PWP1: variants seen among roughly 807,000 people sequenced by gnomAD.
The protein encoded by PWP1 is periodic tryptophan protein 1 homolog.
In PWP1, 47 loss-of-function variants were observed where a neutral mutation model predicts 69.9. That is an observed-to-expected ratio of 0.67 (90% CI 0.53 to 0.86). PWP1 has a LOEUF of 0.86. Among genes scored for constraint, PWP1 ranks in the 40% least tolerant of loss-of-function variants. The probability of loss-of-function intolerance (pLI) is 0.00; values close to 1 mark genes in which losing one functional copy is unlikely to be tolerated. For synonymous variants in PWP1, 222 were observed against 208.2 expected (o/e 1.07, Z -0.57); for missense variants, 551 against 608.8 (o/e 0.91, Z 1.00).
chr12:107,691,252 A>G (rs576087453), intron 3 of PWP1, among the ~76,000 whole-genome samples: 9 of 152,322 alleles, frequency 5.9e-5, no homozygotes, highest in South Asian at 2.1e-4. Context: ...AGGAGGGGAA[A>G]TGCTCGGCAA....
At chr12:107,709,060 G>A (rs1889887802) in intron 12 of PWP1, 44 bp downstream of exon 12, 2 of 1,613,366 alleles carry the variant, frequency 1.2e-6, no homozygotes, top group African/African-American at 1.3e-5. Context: ...AACTTATGAT[G>A]AAGTAAATCT....
intron 11 of PWP1, among the ~76,000 whole-genome samples, chr12:107,708,534 T>A (rs1242914504): frequency 6.6e-6 from 1 of 152,220 alleles, no homozygotes; most frequent in African/African-American, 2.4e-5. Flanking sequence ...TGACTGTTGG[T>A]CACGCCTTGG....
At position 107,710,502 on chromosome 12, in the gene PWP1, T is replaced by G; in HGVS notation, c.1388T>G (p.Val463Gly). The change falls in exon 14 of 15, where the codon GTC becomes GGC. Residue 463 changes from valine (V) to glycine (G), a missense_variant. By Grantham distance (109) the Val-to-Gly change is moderately radical. Coordinates refer to ENST00000412830, the MANE Select transcript of PWP1 (RefSeq NM_007062.3). ...CTTCGGGTCTGGGATATAAGCACAG[T>G]CTCTTCAGGTAAGGATTTTTAGTTC... ...EGLRVWDIST[V>G]SSVNEAFGRR... 1 of 1,607,498 alleles carries G rather than the reference T, an allele frequency of 6.2e-7. No homozygotes were observed. Among genetic ancestry groups the G allele is most frequent in the Admixed American group, 1.7e-5 (1 of 59,228 alleles).
Position 107,710,369 on chromosome 12 carries a change from G to A in PWP1, c.1291-36G>A, listed in dbSNP as rs754066376. ...GATCTAGATATTAGCGCTTTCTGAA[G>A]AGATTGAAATCACCATCTTCCTGTT... On this transcript the variant is annotated intron_variant, in intron 13 of 14. Transcript: ENST00000412830. 3.1e-6 allele frequency: 5 copies of A among 1,608,994 alleles called. No homozygotes were observed. In the African/African-American group the frequency reaches 6.7e-5, roughly 22 times the overall value.
At chr12:107,708,121 G>C (rs1889864653) in intron 11 of PWP1, among the ~76,000 whole-genome samples, 1 of 152,124 alleles carries the variant, frequency 6.6e-6, no homozygotes, top group South Asian at 2.1e-4. Context: ...ATGTTGTGTT[G>C]TACTTCGGCT....
chr12:107,698,369 A>G (rs1889634625), intron 7 of PWP1, among the ~76,000 whole-genome samples: 1 of 151,790 alleles, frequency 6.6e-6, no homozygotes, highest in South Asian at 2.1e-4. Context: ...GGGAAAAAAA[A>G]GAACTGCTAG....
chr12:107,692,881 C>T lies in PWP1; in HGVS notation c.387C>T (p.Tyr129=), dbSNP rs760806378. The change falls in exon 4 of 15, where the codon TAC becomes TAT. Residue 129 remains tyrosine (Y), a synonymous_variant. Coordinates refer to ENST00000412830, the MANE Select transcript of PWP1 (RefSeq NM_007062.3). ...ACGGGAGTAATGATCAAGATCCTTACGTTACTCTGAAAGATACAGTAAGTA... is the reference window on the plus strand; with the variant it reads ...ACGGGAGTAATGATCAAGATCCTTATGTTACTCTGAAAGATACAGTAAGTA... The part of the protein sequence containing the change: ...TVYGSNDQDP[Y]VTLKDTEQYE... 8.7e-6 allele frequency: 14 copies of T among 1,613,958 alleles called. No homozygotes were observed. Among genetic ancestry groups the T allele is most frequent in the African/African-American group, 1.3e-5 (1 of 75,030 alleles).
rs765444638 is a variant in PWP1, at chr12:107,704,704, TAG to T, written c.1041_1042del (p.Arg347SerfsTer17). The stretch of plus-strand genomic sequence containing the variant: ...CGAATGTGGCGATTCAGTGGGCAGA[TAG>T]AGAGAGTGACTTGGAATCACTTTTC... On this transcript the variant is annotated frameshift_variant, in exon 11 of 15. Transcript: ENST00000412830. LOFTEE classifies it high-confidence loss of function. 15 of 1,613,910 alleles carry T rather than the reference TAG, an allele frequency of 9.3e-6. No homozygotes were observed. Among genetic ancestry groups the T allele is most frequent in the African/African-American group, 4.0e-5 (3 of 74,932 alleles).
In PWP1 at chr12:107,710,395, C is replaced by T; in HGVS notation, c.1291-10C>T. 6.2e-7 allele frequency: 1 copy of T among 1,612,326 alleles called. No homozygotes were observed. Among genetic ancestry groups the T allele is most frequent in the Non-Finnish European group, 8.5e-7 (1 of 1,179,208 alleles). The stretch of plus-strand genomic sequence containing the variant: ...AGATTGAAATCACCATCTTCCTGTT[C>T]TCTCTCTAGGGAGTTCTCTTCTGTT... On this transcript the variant is annotated splice_polypyrimidine_tract_variant and intron_variant, in intron 13 of 14. Coordinates refer to ENST00000412830, the MANE Select transcript of PWP1 (RefSeq NM_007062.3).
chr12:107,696,131 C>A (rs746500767), intron 5 of PWP1, among the ~76,000 whole-genome samples: 11 of 145,450 alleles, frequency 7.6e-5, no homozygotes, highest in African/African-American at 1.8e-4. Flanking sequence ...CTCCCAGGTT[C>A]AAGCTATTCT....
Position 107,685,967 on chromosome 12 carries a change from A to G in PWP1, c.68A>G (p.Asp23Gly). 1 of 1,613,930 alleles carries G rather than the reference A, an allele frequency of 6.2e-7. No homozygotes were observed. The highest frequency in any genetic ancestry group is 8.5e-7 in the Non-Finnish European group (1 of 1,179,960). Reference protein sequence around the residue: ...VRCGVAKETPDKVELSKEEVK... With the variant: ...VRCGVAKETPGKVELSKEEVK... Reference sequence around the variant, plus strand: ...TGCGGCGTGGCCAAAGAGACACCAGACAAGGTGAGGCCTGGTCGCTGGGAG... The same window carrying G: ...TGCGGCGTGGCCAAAGAGACACCAGGCAAGGTGAGGCCTGGTCGCTGGGAG... The change falls in exon 1 of 15, where the codon GAC (aspartate) becomes GGC (glycine). Residue 23 changes from aspartate (D) to glycine (G), a missense_variant. By Grantham distance (94) the Asp-to-Gly change is moderately conservative. Coordinates refer to ENST00000412830, the MANE Select transcript of PWP1 (RefSeq NM_007062.3).
At chr12:107,704,506 A>T in intron 10 of PWP1, 130 bp from the exon 11 acceptor site, 2 of 641,472 alleles carry the variant, frequency 3.1e-6, no homozygotes, top group South Asian at 2.4e-5. Context: ...TTTCTACTTT[A>T]TTTAGAACCT....
At chr12:107,704,881 T>G (rs1253844159) in intron 11 of PWP1, 134 bp downstream of exon 11, 5 of 625,422 alleles carry the variant, frequency 8.0e-6, no homozygotes, top group Non-Finnish European at 1.3e-5. Context: ...GTTGAAAGCA[T>G]AAGGTGTTTT....
intron 13 of PWP1, 127 bp downstream of exon 13, chr12:107,709,359 TG>T: frequency 7.9e-7 from 1 of 1,258,756 alleles, no homozygotes; most frequent in Non-Finnish European, 1.1e-6. Flanking sequence ...GTTGGGGAAG[TG>T]AATTTTGAGT....
At position 107,685,817 on chromosome 12, in the gene PWP1, C is replaced by T. The variant is rs750242818; in HGVS notation, c.-83C>T. 5.4e-6 allele frequency: 8 copies of T among 1,479,550 alleles called. No homozygotes were observed. Among genetic ancestry groups the T allele is most frequent in the South Asian group, 1.1e-5 (1 of 87,530 alleles). The allele number at this position is 1,479,550 out of a possible 1,614,324, so 91.7% of individuals were successfully genotyped here. On this transcript the variant is annotated 5_prime_UTR_variant, in exon 1 of 15. Coordinates refer to ENST00000412830, the MANE Select transcript of PWP1 (RefSeq NM_007062.3). ...CCCTGGCAGCGGCCCTGTGCAGATCCCTGAGCGTGTGGCAGCAGTGCGGTC... is the reference window on the plus strand; with the variant it reads ...CCCTGGCAGCGGCCCTGTGCAGATCTCTGAGCGTGTGGCAGCAGTGCGGTC...
chr12:107,711,299 C>T (rs975754269), intron 14 of PWP1, among the ~76,000 whole-genome samples: 2 of 152,152 alleles, frequency 1.3e-5, no homozygotes, highest in African/African-American at 2.4e-5. Flanking sequence ...GTTCCTTGCC[C>T]TCATTCGTAA....
In PWP1 at chr12:107,709,285, C is replaced by A; in HGVS notation, c.1290+53C>A. The A allele has an allele frequency of 1.9e-6, 3 of 1,575,094 alleles. No individual in the cohort carries two copies. In the South Asian group the frequency reaches 3.4e-5, roughly 18 times the overall value. ...TTATTTATTCTGTTTCTGACCTTGTCTTTTTCTGGAACTTGTGTTGCGTGT... is the reference window on the plus strand; with the variant it reads ...TTATTTATTCTGTTTCTGACCTTGTATTTTTCTGGAACTTGTGTTGCGTGT... On this transcript the variant is annotated intron_variant, in intron 13 of 14. Coordinates refer to ENST00000412830, the MANE Select transcript of PWP1 (RefSeq NM_007062.3).
chr12:107,688,599 C>T lies in PWP1; in HGVS notation c.132-16C>T. On this transcript the variant is annotated splice_polypyrimidine_tract_variant and intron_variant, in intron 2 of 14. Coordinates refer to ENST00000412830, the MANE Select transcript of PWP1 (RefSeq NM_007062.3). ...GTAGCATTTGGGTGATTCTCTTTTT[C>T]TTTCTGTGCTCATAGAGAAGAAGGT... The T allele has an allele frequency of 6.2e-7, 1 of 1,611,172 alleles. No homozygotes were observed. The highest frequency in any genetic ancestry group is 8.5e-7 in the Non-Finnish European group (1 of 1,178,168).
chr12:107,692,881 C>A lies in PWP1; in HGVS notation c.387C>A (p.Tyr129Ter). ...ACGGGAGTAATGATCAAGATCCTTA[C>A]GTTACTCTGAAAGATACAGTAAGTA... ...TVYGSNDQDPYVTLKDTEQYE... is the reference protein window; with the variant it reads ...TVYGSNDQDP The change falls in exon 4 of 15, where the codon TAC becomes TAA. Residue 129 changes from tyrosine to a stop codon, truncating the protein, a stop_gained. Transcript: ENST00000412830. LOFTEE classifies it high-confidence loss of function. 1 of 1,613,960 alleles carries A rather than the reference C, an allele frequency of 6.2e-7. No homozygotes were observed. The highest frequency in any genetic ancestry group is 8.5e-7 in the Non-Finnish European group (1 of 1,179,902).
Sources: gnomAD v4.1 joint callset for allele counts (sites outside exome capture counted in the v4.1 genomes callset) on GRCh38, gnomAD v4.1.1 for gene constraint, MANE v1.5 for transcripts, NCBI Gene and HGNC (gene_info 2026-07-23, HGNC 2026-07-21) for gene names.